The following TMEM178B variants were observed in gnomAD, a reference collection of about 807,000 sequenced individuals.
TMEM178B encodes transmembrane protein 178B.
In TMEM178B, 5 loss-of-function variants were observed where a neutral mutation model predicts 31.0. The ratio of observed to expected loss-of-function variants is 0.16; its 90% CI spans 0.08 to 0.34. The LOEUF (loss-of-function observed/expected upper bound fraction) is 0.34, where lower values mean the gene tolerates loss of function less well. Ranked by LOEUF, TMEM178B falls within the 10% of genes least tolerant of loss-of-function variation. The pLI is 1.00. For synonymous variants in TMEM178B, 164 were observed against 164.0 expected, an observed-to-expected ratio of 1.00 and a Z score of 0.00; for missense variants, 275 against 400.3, an observed-to-expected ratio of 0.69 and a Z score of 2.67.
intron 2 of TMEM178B, among the ~76,000 whole-genome samples, chr7:141,273,473 G>GGA (rs1164900545): frequency 6.6e-6 from 1 of 152,114 alleles, no homozygotes; most frequent in Non-Finnish European, 1.5e-5. Context: ...GAGGGTCCTT[G>GGA]GAATATAAGA....
intron 2 of TMEM178B, among the ~76,000 whole-genome samples, chr7:141,412,096 C>T (rs1183907315): frequency 6.6e-6 from 1 of 152,240 alleles, no homozygotes; most frequent in African/African-American, 2.4e-5. Flanking sequence ...CAAAGAGCAT[C>T]TGATTGTGTC....
intron 1 of TMEM178B, among the ~76,000 whole-genome samples, chr7:141,141,125 A>G (rs1281939432): frequency 6.6e-6 from 1 of 152,124 alleles, no homozygotes; most frequent in Non-Finnish European, 1.5e-5. Flanking sequence ...AATATATTCA[A>G]TCATTTATTC....
At chr7:141,488,565 G>A in the TMEM178B span, among the ~76,000 whole-genome samples, 2 of 151,796 alleles carry the variant, frequency 1.3e-5, no homozygotes, top group African/African-American at 4.8e-5. Context: ...TCAGCCTCCC[G>A]AGTAGCTGGG....
chr7:141,384,965 G>A (rs776023052), intron 2 of TMEM178B, among the ~76,000 whole-genome samples: 34 of 152,046 alleles, frequency 2.2e-4, no homozygotes, highest in Non-Finnish European at 3.8e-4. Flanking sequence ...CTTATGGAGC[G>A]TGCTAGTACT....
chr7:141,136,327 G>A (rs769344049), intron 1 of TMEM178B, among the ~76,000 whole-genome samples: 3 of 152,152 alleles, frequency 2.0e-5, no homozygotes, highest in Non-Finnish European at 2.9e-5. Flanking sequence ...ATAGACACAT[G>A]CAGAAGAATG....
intron 1 of TMEM178B, among the ~76,000 whole-genome samples, chr7:141,080,575 G>A (rs888119472): frequency 2.6e-5 from 4 of 152,220 alleles, no homozygotes; most frequent in African/African-American, 7.2e-5. Context: ...AGCCGAGATC[G>A]TGCTACTGCA....
In TMEM178B at chr7:141,475,936, C is replaced by T. The variant is rs1157428323; in HGVS notation, c.*5150C>T. The T allele has an allele frequency of 6.6e-6, 1 of 152,108 alleles. No individual in the cohort carries two copies. The highest frequency in any genetic ancestry group is 1.5e-5 in the Non-Finnish European group (1 of 68,028). The allele number at this position is 152,108 out of a possible 1,614,324, so 9.4% of individuals were successfully genotyped here. A position where few individuals can be genotyped will look rare whatever the true frequency, so the allele number is the denominator to read the frequency against. On this transcript the variant is annotated 3_prime_UTR_variant, in exon 4 of 4. Coordinates refer to ENST00000565468, the MANE Select transcript of TMEM178B (RefSeq NM_001195278.2). ...CACTGAAATGATTTGTGACTCTGGG[C>T]ACTGTGTCTTCTCCATACTTGAACT...
At chr7:141,236,650 G>C (rs1437566952) in intron 2 of TMEM178B, among the ~76,000 whole-genome samples, 3 of 152,220 alleles carry the variant, frequency 2.0e-5, no homozygotes, top group African/African-American at 7.2e-5. Context: ...TGTGGTGAGG[G>C]AAGCCCTGGA....
chr7:141,111,680 C>G (rs888465220), intron 1 of TMEM178B, among the ~76,000 whole-genome samples: 1 of 151,866 alleles, frequency 6.6e-6, no homozygotes, highest in African/African-American at 2.4e-5. Flanking sequence ...GGGGATTTGC[C>G]AATGTTAATT....
chr7:141,168,068 G>A (rs1484248969), intron 1 of TMEM178B, among the ~76,000 whole-genome samples: 2 of 152,120 alleles, frequency 1.3e-5, no homozygotes, highest in Admixed American at 6.5e-5. Flanking sequence ...TTCTTAACAT[G>A]TTTGATTTTC....
At chr7:141,128,504 G>A (rs192646583) in intron 1 of TMEM178B, among the ~76,000 whole-genome samples, 42 of 151,662 alleles carry the variant, frequency 2.8e-4, no homozygotes, top group African/African-American at 8.2e-4. Context: ...AGCACATCAG[G>A]CTATTTTGGC....
chr7:141,219,324 A>G (rs545874275), intron 2 of TMEM178B, among the ~76,000 whole-genome samples: 2 of 152,192 alleles, frequency 1.3e-5, no homozygotes, highest in African/African-American at 4.8e-5. Context: ...AAAACAGCCT[A>G]ATGAGGTAAA....
intron 3 of TMEM178B, among the ~76,000 whole-genome samples, chr7:141,440,554 T>C (rs2116687125): frequency 6.6e-6 from 1 of 152,104 alleles, no homozygotes; most frequent in African/African-American, 2.4e-5. Context: ...GGACTATTTC[T>C]CCATACTTTA....
At chr7:141,282,526 G>C (rs1330543160) in intron 2 of TMEM178B, among the ~76,000 whole-genome samples, 1 of 152,196 alleles carries the variant, frequency 6.6e-6, no homozygotes, top group African/African-American at 2.4e-5. Flanking sequence ...GAACAACTTT[G>C]AAGAGGCAAT....
intron 2 of TMEM178B, among the ~76,000 whole-genome samples, chr7:141,418,801 G>A (rs1801147108): frequency 6.6e-6 from 1 of 152,216 alleles, no homozygotes; most frequent in Non-Finnish European, 1.5e-5. Flanking sequence ...GACTTGTACA[G>A]CCAGTGCCAT....
At chr7:141,376,463 G>A (rs772149680) in intron 2 of TMEM178B, among the ~76,000 whole-genome samples, 12 of 152,276 alleles carry the variant, frequency 7.9e-5, no homozygotes, top group Middle Eastern at 6.8e-3. Flanking sequence ...CCATAACATC[G>A]CTAATGATGT....
At chr7:141,417,561 A>C (rs1801121537) in intron 2 of TMEM178B, among the ~76,000 whole-genome samples, 1 of 152,196 alleles carries the variant, frequency 6.6e-6, no homozygotes, top group Non-Finnish European at 1.5e-5. Flanking sequence ...CATGATTGGC[A>C]CTTCTTACAG....
intron 2 of TMEM178B, among the ~76,000 whole-genome samples, chr7:141,402,467 G>T (rs536318736): frequency 1.3e-5 from 2 of 152,216 alleles, no homozygotes; most frequent in Non-Finnish European, 2.9e-5. Flanking sequence ...GCTGCATCTT[G>T]GTAGAGCTCA....
At chr7:141,213,398 A>G (rs1797079559) in intron 2 of TMEM178B, among the ~76,000 whole-genome samples, 1 of 152,190 alleles carries the variant, frequency 6.6e-6, no homozygotes, top group South Asian at 2.1e-4. Context: ...ATTGGGATAC[A>G]TTGCTTGTCT....
Sources: allele counts gnomAD v4.1 joint callset (sites outside exome capture counted in the v4.1 genomes callset), GRCh38; gene constraint gnomAD v4.1.1; transcripts MANE v1.5; gene names NCBI Gene and HGNC (gene_info 2026-07-23, HGNC 2026-07-21).